Variants in KLHL5 observed in about 807,000 individuals in gnomAD.
KLHL5 encodes the protein kelch like family member 5.
KLHL5 carries 48 observed loss-of-function variants against 77.7 expected under a neutral mutation model. The observed-to-expected ratio is 0.62, with a 90% CI of 0.49 to 0.79. The LOEUF (loss-of-function observed/expected upper bound fraction) is 0.79, where lower values mean the gene tolerates loss of function less well. KLHL5 is among the 30% of genes least tolerant of loss of function. The pLI is 0.00. For missense variants in KLHL5, 723 were observed against 859.7 expected, an observed-to-expected ratio of 0.84 and a Z score of 1.99; for synonymous variants, 260 against 297.0, an observed-to-expected ratio of 0.88 and a Z score of 1.28.
At chr4:39,060,507 G>C (rs190844467), upstream of KLHL5, among the ~76,000 whole-genome samples, 7 of 151,598 alleles carry the variant, frequency 4.6e-5, no homozygotes, top group African/African-American at 1.7e-4. Flanking sequence ...TGCTTCCCTT[G>C]TTGAGAACCA....
At position 39,122,498 on chromosome 4, in the gene KLHL5, C is replaced by T. The variant is rs1723263659; in HGVS notation, c.*1432C>T. On this transcript the variant is annotated 3_prime_UTR_variant, in exon 11 of 11. Coordinates refer to ENST00000504108, the MANE Select transcript of KLHL5 (RefSeq NM_015990.5). Reference sequence around the variant, plus strand: ...CAGTCTTCACTCTTACTATTCCTGCCACTAGGTAGAAAAAGAAAGATTTCG... The same window carrying T: ...CAGTCTTCACTCTTACTATTCCTGCTACTAGGTAGAAAAAGAAAGATTTCG... 6.6e-6 allele frequency among the ~76,000 whole-genome samples: 1 copy of T among 152,068 alleles called. No homozygotes were observed. The highest frequency in any genetic ancestry group is 1.5e-5 in the Non-Finnish European group (1 of 68,012).
intron 5 of KLHL5, among the ~76,000 whole-genome samples, chr4:39,088,619 AT>A (rs1230123073): frequency 1.3e-5 from 2 of 152,154 alleles, no homozygotes; most frequent in East Asian, 1.9e-4. Flanking sequence ...GATTAAAAAA[AT>A]AAATCAGTGA....
At position 39,081,012 on chromosome 4, in the gene KLHL5, G is replaced by T; in HGVS notation, c.567-91G>T. ...TGCATTTCCTAGTACCATGCACTGTGAGTAACAAATAAAAAAGAAGCAGCA... is the reference window on the plus strand; with the variant it reads ...TGCATTTCCTAGTACCATGCACTGTTAGTAACAAATAAAAAAGAAGCAGCA... On this transcript the variant is annotated intron_variant, in intron 2 of 10. Transcript: ENST00000504108. This position sits in a 1 kb window ranked among gnomAD's most constrained non-coding sequence, Gnocchi z 4.3. 7.7e-7 allele frequency: 1 copy of T among 1,295,080 alleles called. No individual in the cohort carries two copies. Among genetic ancestry groups the T allele is most frequent in the South Asian group, 1.4e-5 (1 of 69,532 alleles). The allele number at this position is 1,295,080 out of a possible 1,614,324, so 80.2% of individuals were successfully genotyped here.
chr4:39,107,625 T>C lies in KLHL5; in HGVS notation c.1582T>C (p.Tyr528His). Reference protein sequence around the residue: ...YAVGGHDGWSYLNTVERWDPQ... With the variant: ...YAVGGHDGWSHLNTVERWDPQ... ...CGTAGGAGGACATGATGGCTGGAGC[T>C]ATCTGAACACAGTGGAAAGATGGGA... Residue 528 changes from tyrosine to histidine, a missense_variant, in exon 8 of 11, where the codon TAT becomes CAT. Physicochemically the swap from Tyr to His is moderately conservative, Grantham distance 83 (BLOSUM62 2). Transcript: ENST00000504108. The C allele has an allele frequency of 1.2e-6, 2 of 1,612,726 alleles. No homozygotes were observed. Among genetic ancestry groups the C allele is most frequent in the Non-Finnish European group, 1.7e-6 (2 of 1,179,004 alleles).
Position 39,115,225 on chromosome 4 carries a change from G to T in KLHL5, c.1968G>T (p.Gly656=), listed in dbSNP as rs1722748122. 4 of 1,613,822 alleles carry T rather than the reference G, an allele frequency of 2.5e-6. No individual in the cohort carries two copies. The highest frequency in any genetic ancestry group is 1.6e-4 in the Middle Eastern group (1 of 6,082). ...ASMSISRDAV[G]VCLLGDKLYA... The stretch of plus-strand genomic sequence containing the variant: ...TGAGCATCAGCAGAGATGCAGTGGG[G>T]GTCTGTTTACTTGGTGATAAGTTAT... The change falls in exon 10 of 11, where the codon GGG becomes GGT. Residue 656 remains glycine, a synonymous_variant. Transcript: ENST00000504108.
At chr4:39,055,452 G>A (rs1356244609) in intron 1 of KLHL5, among the ~76,000 whole-genome samples, 1 of 152,178 alleles carries the variant, frequency 6.6e-6, no homozygotes, top group Non-Finnish European at 1.5e-5. Flanking sequence ...CATAGATGAT[G>A]GATCATTGTG....
intron 9 of KLHL5, 80 bp downstream of exon 9, chr4:39,113,312 T>G (rs1356735943): frequency 4.5e-6 from 5 of 1,120,674 alleles, no homozygotes; most frequent in Non-Finnish European, 3.7e-6. Context: ...GGAGAACGTG[T>G]TGGAGAATTG....
chr4:39,088,321 G>A (rs1720228927), intron 5 of KLHL5, among the ~76,000 whole-genome samples: 1 of 152,172 alleles, frequency 6.6e-6, no homozygotes, highest in Admixed American at 6.5e-5. Context: ...GCATTTTGGA[G>A]ATCATTTGTT....
chr4:39,110,310 C>T (rs973182804), intron 8 of KLHL5, among the ~76,000 whole-genome samples: 1 of 152,126 alleles, frequency 6.6e-6, no homozygotes, highest in African/African-American at 2.4e-5. Context: ...TCTTGATCCA[C>T]AGATAAGAGG....
At chr4:39,070,996 TC>T (rs746757486) in intron 1 of KLHL5, among the ~76,000 whole-genome samples, 14 of 152,172 alleles carry the variant, frequency 9.2e-5, no homozygotes, top group Admixed American at 2.0e-4. Context: ...CACAAGGTGA[TC>T]AATTGGAGTA....
chr4:39,062,670 A>C lies in KLHL5; in HGVS notation c.18A>C (p.Lys6Asn). 2 of 1,614,126 alleles carry C rather than the reference A, an allele frequency of 1.2e-6. No homozygotes were observed. The highest frequency in any genetic ancestry group is 1.7e-6 in the Non-Finnish European group (2 of 1,180,002). Residue 6 changes from lysine (K) to asparagine (N), a missense_variant, in exon 1 of 11, where the codon AAA becomes AAC. Coordinates refer to ENST00000504108, the MANE Select transcript of KLHL5 (RefSeq NM_015990.5). MSGSRKEFDVKQILKI... is the reference protein window; with the variant it reads MSGSRNEFDVKQILKI... ...CTCTGAGGATGTCTGGTTCTCGTAA[A>C]GAGTTTGATGTGAAACAGATTTTGA... is the stretch of plus-strand genomic sequence containing the variant.
intron 4 of KLHL5, among the ~76,000 whole-genome samples, chr4:39,083,666 A>G (rs115394275): frequency 0.01 from 1,541 of 152,270 alleles, 24 homozygotes; most frequent in African/African-American, 0.035. Context: ...ACTTTTTTGA[A>G]TGAGATGAAT....
intron 5 of KLHL5, chr4:39,093,573 A>G (rs1001321359): frequency 5.4e-6 from 2 of 370,758 alleles, no homozygotes; most frequent in Non-Finnish European, 1.0e-5. Flanking sequence ...CTCTGACCAG[A>G]AAGGTCTTTT....
rs1477530717 is a variant in KLHL5 at position 39,086,524 on chromosome 4, A to G, written c.910A>G (p.Met304Val). ...VAHNYTMEHF[M>V]EVIRNQEFVL... The stretch of plus-strand genomic sequence containing the variant: ...TATTTCTTCCCTCTAGGAGCATTTC[A>G]TGGAAGTAATCAGAAACCAGGAATT... Residue 304 changes from methionine (M) to valine (V), a missense_variant, in exon 5 of 11, where the codon ATG (methionine) becomes GTG (valine). Coordinates refer to ENST00000504108, the MANE Select transcript of KLHL5 (RefSeq NM_015990.5). 1 of 1,613,226 alleles carries G rather than the reference A, an allele frequency of 6.2e-7. No individual in the cohort carries two copies.
rs560628423 is a variant in KLHL5 at position 39,073,442 on chromosome 4, C to T, written c.384-2523C>T. Among the ~76,000 whole-genome samples, 5 of 152,186 alleles carry T rather than the reference C, an allele frequency of 3.3e-5. No individual in the cohort carries two copies. The South Asian group carries it at 1.0e-3, about 32-fold the overall frequency. On this transcript the variant is annotated intron_variant, in intron 1 of 10. Coordinates refer to ENST00000504108, the MANE Select transcript of KLHL5 (RefSeq NM_015990.5). ...ATCACTTGTAGTTTGATATGAAGTA[C>T]AAGAAATGTGATACAAAATATAGGA...
chr4:39,099,025 G>T (rs1214849964), intron 6 of KLHL5, among the ~76,000 whole-genome samples: 1 of 152,160 alleles, frequency 6.6e-6, no homozygotes. Context: ...GATTATGCCT[G>T]TAATCCCTGC....
intron 1 of KLHL5, among the ~76,000 whole-genome samples, chr4:39,069,451 TATATATATATATATATATATATACAC>T (rs1184533310): frequency 0.045 from 1,962 of 43,194 alleles, 28 homozygotes; most frequent in Non-Finnish European, 0.056. Context: ...TATATATATA[TATATATATATATATATATATATACAC>T]ACACACACAC....
At position 39,076,025 on chromosome 4, in the gene KLHL5, T is replaced by G. The variant is rs1325430291; in HGVS notation, c.444T>G (p.Asp148Glu). The change falls in exon 2 of 11, where the codon GAT becomes GAG. Residue 148 changes from aspartate (D) to glutamate (E), a missense_variant. Physicochemically the swap from Asp to Glu is conservative, Grantham distance 45. Around this residue, in one of 3 missense-constraint regions of KLHL5, gnomAD observed 221 missense variants for 222.1 expected, o/e 1.00. Coordinates refer to ENST00000504108, the MANE Select transcript of KLHL5 (RefSeq NM_015990.5). ...SCHTMEPCTS[D>E]EFFQALNHAE... is the part of the protein sequence containing the mutation. ...ATACTATGGAGCCATGTACATCAGATGAATTTTTCCAAGCCCTTAATCATG... is the reference window on the plus strand; with the variant it reads ...ATACTATGGAGCCATGTACATCAGAGGAATTTTTCCAAGCCCTTAATCATG... 1 of 1,612,712 alleles carries G rather than the reference T, an allele frequency of 6.2e-7. No homozygotes were observed. The highest frequency in any genetic ancestry group is 8.5e-7 in the Non-Finnish European group (1 of 1,179,584).
At chr4:39,104,860 G>C (rs1294075596) in intron 7 of KLHL5, among the ~76,000 whole-genome samples, 1 of 152,042 alleles carries the variant, frequency 6.6e-6, no homozygotes, top group African/African-American at 2.4e-5. Flanking sequence ...CCGCCTCCCG[G>C]GTTCAAGTGA....
Sources: gnomAD v4.1 joint callset for allele counts (sites outside exome capture counted in the v4.1 genomes callset) on GRCh38, gnomAD v4.1.1 for gene constraint, gnomAD v4.1.1 regional missense constraint, Gnocchi (gnomAD v3.1) non-coding constraint, MANE v1.5 for transcripts, NCBI Gene and HGNC (gene_info 2026-07-23, HGNC 2026-07-21) for gene names.